Variants in NXPH2 observed in about 807,000 individuals in gnomAD.
NXPH2 encodes the protein neurexophilin-2.
A neutral mutation model predicts 19.8 loss-of-function variants in NXPH2; 5 were observed. That is an observed-to-expected ratio of 0.25 (90% CI 0.13 to 0.53). The LOEUF (loss-of-function observed/expected upper bound fraction) is 0.53, where lower values mean the gene tolerates loss of function less well. Ranked by LOEUF, NXPH2 falls within the 20% of genes least tolerant of loss-of-function variation. The pLI is 0.96. For missense variants in NXPH2, 289 were observed against 322.8 expected, an observed-to-expected ratio of 0.90 and a Z score of 0.80; for synonymous variants, 154 against 127.4, an observed-to-expected ratio of 1.21 and a Z score of -1.41.
At chr2:138,701,479 C>T (rs1680922414) in intron 1 of NXPH2, among the ~76,000 whole-genome samples, 1 of 152,136 alleles carries the variant, frequency 6.6e-6, no homozygotes, top group Admixed American at 6.5e-5. Flanking sequence ...ATTTTTTGAG[C>T]ACCAACTACA....
At position 138,746,569 on chromosome 2, in the gene NXPH2, A is replaced by G. The variant is rs576150375; in HGVS notation, c.51+33622T>C. On this transcript the variant is annotated intron_variant, in intron 1 of 1. Coordinates refer to ENST00000272641, the MANE Select transcript of NXPH2 (RefSeq NM_007226.3). ...TTCTTGGTAGGCCCAGCTTCCCAAA[A>G]CTGCCACAATGGATGAGGACATTGT... 7.9e-5 allele frequency among the ~76,000 whole-genome samples: 12 copies of G among 152,308 alleles called. No homozygotes were observed. In the East Asian group the frequency reaches 2.1e-3, roughly 27 times the overall value.
intron 1 of NXPH2, among the ~76,000 whole-genome samples, chr2:138,760,362 C>T (rs551554456): frequency 5.3e-5 from 8 of 152,254 alleles, no homozygotes; most frequent in South Asian, 2.1e-4. Flanking sequence ...CTCAGCCTGA[C>T]GCTTTGAAAC....
intron 1 of NXPH2, among the ~76,000 whole-genome samples, chr2:138,728,596 G>T (rs1178275484): frequency 6.6e-6 from 1 of 152,142 alleles, no homozygotes; most frequent in African/African-American, 2.4e-5. Flanking sequence ...CATTCAAAAA[G>T]AAGGCTTTTT....
intron 1 of NXPH2, among the ~76,000 whole-genome samples, chr2:138,737,652 T>C (rs1455152310): frequency 3.3e-5 from 5 of 152,194 alleles, no homozygotes; most frequent in African/African-American, 1.2e-4. Flanking sequence ...CCTCTCTGGG[T>C]CATTCTCTCC....
At chr2:138,676,624 G>A (rs1370050881) in intron 1 of NXPH2, among the ~76,000 whole-genome samples, 2 of 152,122 alleles carry the variant, frequency 1.3e-5, no homozygotes, top group African/African-American at 4.8e-5. Flanking sequence ...CATCTCCTTT[G>A]CTGTTTGGCT....
At chr2:138,691,238 C>G (rs1218625015) in intron 1 of NXPH2, among the ~76,000 whole-genome samples, 1 of 152,082 alleles carries the variant, frequency 6.6e-6, no homozygotes, top group Non-Finnish European at 1.5e-5. Context: ...ATTCCAACTG[C>G]AAAATTCTTC....
intron 1 of NXPH2, among the ~76,000 whole-genome samples, chr2:138,767,804 G>A (rs1410029133): frequency 6.6e-6 from 1 of 152,064 alleles, no homozygotes. Context: ...CTTTGACCAT[G>A]TCCTTCCTCT....
intron 1 of NXPH2, among the ~76,000 whole-genome samples, chr2:138,761,108 C>A (rs1170012293): frequency 6.6e-6 from 1 of 152,082 alleles, no homozygotes; most frequent in African/African-American, 2.4e-5. Flanking sequence ...GCTCAGCAAG[C>A]CATAAAGATC....
At chr2:138,723,019 A>C (rs1681303741) in intron 1 of NXPH2, among the ~76,000 whole-genome samples, 1 of 152,254 alleles carries the variant, frequency 6.6e-6, no homozygotes, top group African/African-American at 2.4e-5. Context: ...AAAAAGGTTA[A>C]GTACCACATT....
At chr2:138,736,589 A>G (rs1681542707) in intron 1 of NXPH2, among the ~76,000 whole-genome samples, 1 of 152,010 alleles carries the variant, frequency 6.6e-6, no homozygotes, top group African/African-American at 2.4e-5. Flanking sequence ...TGCCATGAAG[A>G]CCTCTGACAT....
intron 1 of NXPH2, among the ~76,000 whole-genome samples, chr2:138,715,120 T>C (rs1465823055): frequency 6.6e-6 from 1 of 152,218 alleles, no homozygotes; most frequent in Non-Finnish European, 1.5e-5. Flanking sequence ...TCTATTTCAT[T>C]GTAGATTCAC....
chr2:138,707,094 C>CAAAA (rs70982073), intron 1 of NXPH2, among the ~76,000 whole-genome samples: 507 of 34,826 alleles, frequency 0.015, 29 homozygotes, highest in African/African-American at 0.034. Context: ...TGCCCCATGA[C>CAAAA]AAAAAAAAAA....
chr2:138,748,603 C>G (rs1681778368), intron 1 of NXPH2, among the ~76,000 whole-genome samples: 1 of 152,150 alleles, frequency 6.6e-6, no homozygotes. Flanking sequence ...CCCTCTCTCT[C>G]TCTTACATGC....
At chr2:138,715,671 G>A (rs2104990566) in intron 1 of NXPH2, among the ~76,000 whole-genome samples, 1 of 152,306 alleles carries the variant, frequency 6.6e-6, no homozygotes, top group South Asian at 2.1e-4. Flanking sequence ...AATAGCCGAA[G>A]AAGGAGATCC....
chr2:138,677,827 T>A (rs2104967053), intron 1 of NXPH2, among the ~76,000 whole-genome samples: 1 of 152,318 alleles, frequency 6.6e-6, no homozygotes, highest in Non-Finnish European at 1.5e-5. Flanking sequence ...ATTTTTATTT[T>A]GGAATAATTT....
intron 1 of NXPH2, among the ~76,000 whole-genome samples, chr2:138,723,787 A>G (rs887024441): frequency 6.6e-6 from 1 of 152,186 alleles, no homozygotes; most frequent in African/African-American, 2.4e-5. Flanking sequence ...TCATGACAGC[A>G]GGGTGCAGCT....
intron 1 of NXPH2, among the ~76,000 whole-genome samples, chr2:138,736,229 T>A (rs1485177204): frequency 6.6e-6 from 1 of 152,218 alleles, no homozygotes; most frequent in Non-Finnish European, 1.5e-5. Context: ...ACTTCCCTTC[T>A]GCACTTCCCC....
intron 1 of NXPH2, among the ~76,000 whole-genome samples, chr2:138,750,234 A>G (rs1681807664): frequency 6.6e-6 from 1 of 152,170 alleles, no homozygotes; most frequent in Admixed American, 6.5e-5. Context: ...CTCACCATAT[A>G]CTATGCTCAA....
intron 1 of NXPH2, among the ~76,000 whole-genome samples, chr2:138,757,334 T>C (rs1394859953): frequency 6.6e-6 from 1 of 152,120 alleles, no homozygotes; most frequent in Non-Finnish European, 1.5e-5. Context: ...AAGACACACA[T>C]GTGCTGCTGC....
Sources: gnomAD v4.1 joint callset for allele counts (sites outside exome capture counted in the v4.1 genomes callset) on GRCh38, gnomAD v4.1.1 for gene constraint, MANE v1.5 for transcripts, NCBI Gene and HGNC (gene_info 2026-07-23, HGNC 2026-07-21) for gene names.